Variants in GALNT3 observed in about 807,000 individuals in gnomAD.
GALNT3 encodes polypeptide N-acetylgalactosaminyltransferase 3.
Under a neutral mutation model 69.8 loss-of-function variants are expected in GALNT3, and 51 were observed. The ratio of observed to expected loss-of-function variants is 0.73; its 90% CI spans 0.58 to 0.92. The LOEUF (loss-of-function observed/expected upper bound fraction) is 0.92. Among genes scored for constraint, GALNT3 ranks in the 40% least tolerant of loss-of-function variants. The pLI, the probability that GALNT3 is intolerant of heterozygous loss-of-function variation, is 0.00. For missense variants in GALNT3, 711 were observed against 760.0 expected, an observed-to-expected ratio of 0.94 and a Z score of 0.76; for synonymous variants, 265 against 248.5, an observed-to-expected ratio of 1.07 and a Z score of -0.63.
intron 1 of GALNT3, among the ~76,000 whole-genome samples, chr2:165,777,603 C>T (rs1001833567): frequency 1.2e-4 from 18 of 152,076 alleles, no homozygotes; most frequent in African/African-American, 4.3e-4. Flanking sequence ...TGTTTTGCTG[C>T]TGTAGTTTGT....
chr2:165,773,295 C>T (rs1156244036), intron 1 of GALNT3, among the ~76,000 whole-genome samples: 2 of 152,132 alleles, frequency 1.3e-5, no homozygotes, highest in Admixed American at 1.3e-4. Context: ...AATGGGAGTT[C>T]CCCTGCACAT....
intron 4 of GALNT3, 37 bp downstream of exon 4, chr2:165,761,868 G>C (rs1558997755): frequency 1.9e-6 from 3 of 1,607,858 alleles, no homozygotes; most frequent in Admixed American, 1.7e-5. Context: ...GAGAGGGAGG[G>C]AAAATGTTAC....
At chr2:165,789,609 C>T (rs2105233798) in intron 1 of GALNT3, among the ~76,000 whole-genome samples, 1 of 152,200 alleles carries the variant, frequency 6.6e-6, no homozygotes, top group South Asian at 2.1e-4. Context: ...ATTTGACAGC[C>T]TGTAGTCTCA....
chr2:165,786,502 C>G (rs1469020919), intron 1 of GALNT3, among the ~76,000 whole-genome samples: 1 of 152,172 alleles, frequency 6.6e-6, no homozygotes, highest in Non-Finnish European at 1.5e-5. Context: ...TGGATTTAAC[C>G]TATGCACATC....
Position 165,765,028 on chromosome 2 carries a change from G to A in GALNT3, c.544C>T (p.Pro182Ser), listed in dbSNP as rs148553477. ...ATGACACTGGTGGTGGGCAGGGGAG[G>A]GCAGCGCTTAAATTTTTGTTCAATA... ...ECIEQKFKRC[P>S]PLPTTSVIIV... Residue 182 changes from proline (P) to serine (S), a missense_variant, in exon 3 of 11, where the codon CCT becomes TCT. Transcript: ENST00000392701. 6 of 1,614,102 alleles carry A rather than the reference G, an allele frequency of 3.7e-6. No homozygotes were observed. The highest frequency in any genetic ancestry group is 1.1e-5 in the South Asian group (1 of 91,076).
rs1299150326 is a variant in GALNT3, at chr2:165,770,606, A to G, written c.95T>C (p.Ile32Thr). 5 of 1,603,970 alleles carry G rather than the reference A, an allele frequency of 3.1e-6. No homozygotes were observed. The highest frequency in any genetic ancestry group is 4.3e-6 in the Non-Finnish European group (5 of 1,176,042). Residue 32 changes from isoleucine (I) to threonine (T), a missense_variant, in exon 2 of 11, where the codon ATA becomes ACA. By Grantham distance (89) the Ile-to-Thr change is moderately conservative (BLOSUM62 -1). Coordinates refer to ENST00000392701, the MANE Select transcript of GALNT3 (RefSeq NM_004482.4). ...KLGAVIFFFI[I>T]VLVLMQREVS... ...TTCTCTTTGCATTAAAACCAAAACT[A>G]TTATAAAGAAAAAAATTACTGCACC...
At chr2:165,784,094 C>T (rs1469519480) in intron 1 of GALNT3, among the ~76,000 whole-genome samples, 3 of 152,168 alleles carry the variant, frequency 2.0e-5, no homozygotes, top group Non-Finnish European at 4.4e-5. Context: ...CTTCTATCAA[C>T]AGCTGGCCTC....
intron 1 of GALNT3, among the ~76,000 whole-genome samples, chr2:165,781,604 G>GAA (rs553855165): frequency 8.2e-6 from 1 of 121,404 alleles, no homozygotes. Context: ...TCTCAAAAAA[G>GAA]AAAAAAAAAA....
Position 165,786,839 on chromosome 2 carries a change from T to C in GALNT3, c.-109+7176A>G, listed in dbSNP as rs543003676. 3.3e-5 allele frequency among the ~76,000 whole-genome samples: 5 copies of C among 152,318 alleles called. No individual in the cohort carries two copies. In the South Asian group the frequency reaches 8.3e-4, roughly 25 times the overall value. ...AGGGAGGAAAATAGTATGCACCTCA[T>C]AGGGTTGCTTTGAAGACTAAATAAG... On this transcript the variant is annotated intron_variant, in intron 1 of 10. Transcript: ENST00000392701.
intron 6 of GALNT3, among the ~76,000 whole-genome samples, chr2:165,758,068 A>C (rs1306370270): frequency 6.6e-6 from 1 of 152,152 alleles, no homozygotes; most frequent in African/African-American, 2.4e-5. Flanking sequence ...AACACGTGCT[A>C]GGGGTTGGAA....
At chr2:165,785,584 A>G (rs910713981) in intron 1 of GALNT3, among the ~76,000 whole-genome samples, 6 of 152,226 alleles carry the variant, frequency 3.9e-5, no homozygotes, top group Admixed American at 3.9e-4. Flanking sequence ...GGTAGAATAA[A>G]GAGTTTTAGA....
chr2:165,750,468 A>G (rs1688338712), intron 9 of GALNT3, among the ~76,000 whole-genome samples: 1 of 152,290 alleles, frequency 6.6e-6, no homozygotes, highest in African/African-American at 2.4e-5. Flanking sequence ...CTTTCTCCAC[A>G]TATCCAAGTA....
intron 1 of GALNT3, among the ~76,000 whole-genome samples, chr2:165,782,664 C>T (rs1683137305): frequency 6.6e-6 from 1 of 152,156 alleles, no homozygotes; most frequent in Non-Finnish European, 1.5e-5. Flanking sequence ...TACCTGAGCA[C>T]TTTTAAGTCT....
Position 165,770,697 on chromosome 2 carries a change from C to A in GALNT3, c.4G>T (p.Ala2Ser), listed in dbSNP as rs1688737540. The change falls in exon 2 of 11, where the codon GCT (alanine) becomes TCT (serine). Residue 2 changes from alanine (A) to serine (S), a missense_variant. Transcript: ENST00000392701. MAHLKRLVKLHI... is the reference protein window; with the variant it reads MSHLKRLVKLHI... Reference sequence around the variant, plus strand: ...AATTTTACTAGTCGCTTTAGGTGAGCCATTCTGACATTAAAAGCTTGTCAC... The same window carrying A: ...AATTTTACTAGTCGCTTTAGGTGAGACATTCTGACATTAAAAGCTTGTCAC... 5.0e-6 allele frequency: 8 copies of A among 1,602,438 alleles called. No homozygotes were observed. In the Admixed American group the frequency reaches 1.2e-4, roughly 23 times the overall value.
intron 9 of GALNT3, among the ~76,000 whole-genome samples, chr2:165,751,161 T>C (rs1688351682): frequency 6.6e-6 from 1 of 152,098 alleles, no homozygotes; most frequent in African/African-American, 2.4e-5. Flanking sequence ...AAAGATAAAA[T>C]AAGTTAACAT....
chr2:165,753,493 G>A (rs1688388390), intron 9 of GALNT3, among the ~76,000 whole-genome samples: 1 of 151,354 alleles, frequency 6.6e-6, no homozygotes, highest in Admixed American at 6.6e-5. Context: ...TATACCCCCA[G>A]AACACTCTGA....
chr2:165,772,301 C>G (rs1238296903), intron 1 of GALNT3, among the ~76,000 whole-genome samples: 1 of 152,076 alleles, frequency 6.6e-6, no homozygotes, highest in Non-Finnish European at 1.5e-5. Context: ...GAAAGCTACA[C>G]AGGCTTGGAA....
rs575869340 is a variant in GALNT3 at position 165,755,004 on chromosome 2, A to G, written c.1452T>C (p.Asn484=). Residue 484 remains asparagine, a synonymous_variant, in exon 8 of 11, where the codon AAT becomes AAC. Coordinates refer to ENST00000392701, the MANE Select transcript of GALNT3 (RefSeq NM_004482.4). The part of the protein sequence containing the change: ...FEIKHRLQCK[N]FTWYLNNIYP... The stretch of plus-strand genomic sequence containing the variant: ...AAATGTTGTTCAGATACCATGTAAA[A>G]TTTTTACACTGAAGGCGGTGTTTTA... 3 of 1,612,536 alleles carry G rather than the reference A, an allele frequency of 1.9e-6. No individual in the cohort carries two copies. In the Admixed American group the frequency reaches 5.0e-5, roughly 27 times the overall value.
chr2:165,788,261 G>A (rs1452263378), intron 1 of GALNT3, among the ~76,000 whole-genome samples: 2 of 144,280 alleles, frequency 1.4e-5, no homozygotes, highest in East Asian at 4.1e-4. Flanking sequence ...AGCTTGCAGT[G>A]AGCCAAGATC....
Sources: gnomAD v4.1 joint callset for allele counts (sites outside exome capture counted in the v4.1 genomes callset) on GRCh38, gnomAD v4.1.1 for gene constraint, MANE v1.5 for transcripts, NCBI Gene and HGNC (gene_info 2026-07-23, HGNC 2026-07-21) for gene names.